Variants in MCF2 observed in about 807,000 individuals in gnomAD.
MCF2 encodes the protein proto-oncogene DBL.
A neutral mutation model predicts 82.5 loss-of-function variants in MCF2; 44 were observed. That is an observed-to-expected ratio of 0.53 (90% CI 0.42 to 0.69). MCF2 has a LOEUF of 0.69. Among genes scored for constraint, MCF2 ranks in the 30% least tolerant of loss-of-function variants. The pLI is 0.00. For synonymous variants in MCF2, 217 were observed against 224.9 expected, an observed-to-expected ratio of 0.96 and a Z score of 0.32; for missense variants, 623 against 663.1, an observed-to-expected ratio of 0.94 and a Z score of 0.66.
At chrX:139,682,345 C>T (rs1466183447) in intron 1 of MCF2, among the ~76,000 whole-genome samples, 1 of 112,053 alleles carries the variant, frequency 8.9e-6, no homozygotes, top group Non-Finnish European at 1.9e-5. Context: ...TTTCCCTGTA[C>T]AGCAGCAGGA....
At chrX:139,673,121 C>T (rs1295783160) in intron 1 of MCF2, among the ~76,000 whole-genome samples, 1 of 111,922 alleles carries the variant, frequency 8.9e-6, no homozygotes, top group East Asian at 2.8e-4. Flanking sequence ...TTGTAGTATT[C>T]TCTAATGGTA....
intron 1 of MCF2, among the ~76,000 whole-genome samples, chrX:139,686,713 G>A (rs1935133788): frequency 9.0e-6 from 1 of 111,333 alleles, no homozygotes; most frequent in South Asian, 3.8e-4. Context: ...CAAACCATTA[G>A]CAAATCCTTC....
chrX:139,647,497 C>T (rs1160838948), upstream of MCF2, among the ~76,000 whole-genome samples: 1 of 111,495 alleles, frequency 9.0e-6, no homozygotes, highest in Non-Finnish European at 1.9e-5. Flanking sequence ...GGGGTCCAGG[C>T]AGAGGTGTAG....
intron 1 of MCF2, among the ~76,000 whole-genome samples, chrX:139,679,340 A>G (rs1206482190): frequency 2.7e-5 from 3 of 112,466 alleles, no homozygotes; most frequent in African/African-American, 9.7e-5. Flanking sequence ...TCTAAGGAAG[A>G]TGTGAAATGT....
At chrX:139,680,895 A>T (rs1207109739) in intron 1 of MCF2, among the ~76,000 whole-genome samples, 1 of 112,592 alleles carries the variant, frequency 8.9e-6, no homozygotes, top group Non-Finnish European at 1.9e-5. Context: ...AGAACACACA[A>T]TATCTGTTCA....
chrX:139,701,585 C>G (rs2148587277), intron 1 of MCF2, among the ~76,000 whole-genome samples: 1 of 111,851 alleles, frequency 8.9e-6, no homozygotes, highest in African/African-American at 3.2e-5. Context: ...TTCAAACTTG[C>G]CTAGCCAGCA....
chrX:139,587,946 G>A lies in MCF2; in HGVS notation c.2450-158C>T, dbSNP rs192009212. ...CAGACTTGAAATAATCAGAGGGAAGGCCAGTCTCAAGTTTGAATTTGGAAA... is the reference window on the plus strand; with the variant it reads ...CAGACTTGAAATAATCAGAGGGAAGACCAGTCTCAAGTTTGAATTTGGAAA... On this transcript the variant is annotated intron_variant, in intron 21 of 24. Coordinates refer to ENST00000370576, the Ensembl canonical transcript of MCF2. Among the ~76,000 whole-genome samples the A allele has an allele frequency of 2.7e-5, 3 of 110,501 alleles. No homozygotes were observed. The East Asian group carries it at 8.6e-4, about 32-fold the overall frequency.
intron 14 of MCF2, 28 bp from the exon 19 acceptor site, chrX:139,604,778 G>T: frequency 1.8e-6 from 2 of 1,138,329 alleles, no homozygotes; most frequent in Non-Finnish European, 2.4e-6. Context: ...AAAAAAAATT[G>T]CATGATTTTA....
intron 24 of MCF2, among the ~76,000 whole-genome samples, chrX:139,584,741 G>T (rs887298985): frequency 9.0e-6 from 1 of 111,465 alleles, no homozygotes; most frequent in Non-Finnish European, 1.9e-5. Context: ...AAGCCCCTTT[G>T]TTCTCTGATT....
chrX:139,642,875 C>G (rs765203460), exon 1 of MCF2: 80 of 885,607 alleles, frequency 9.0e-5, no homozygotes, highest in Non-Finnish European at 1.0e-4. Context: ...AAAACCAGCT[C>G]TCTTCCTAGG....
At chrX:139,605,736 G>C (rs747753946) in exon 13 of MCF2, 13 of 1,201,629 alleles carry the variant, frequency 1.1e-5, no homozygotes, top group Non-Finnish European at 1.5e-5. Flanking sequence ...TACAGTTCTC[G>C]AACATAAACT....
chrX:139,674,418 G>A (rs921845363), intron 1 of MCF2, among the ~76,000 whole-genome samples: 20 of 111,695 alleles, frequency 1.8e-4, no homozygotes, highest in Admixed American at 8.6e-4. Flanking sequence ...TCCTAGCATC[G>A]ATGGTCTTTA....
exon 21 of MCF2, chrX:139,588,376 C>A (rs1335940506): frequency 8.3e-7 from 1 of 1,206,857 alleles, no homozygotes; most frequent in South Asian, 1.8e-5. Flanking sequence ...AAAGTTCCTG[C>A]TGCTTCAACA....
chrX:139,671,457 T>G (rs1231694903), intron 1 of MCF2, among the ~76,000 whole-genome samples: 5 of 111,971 alleles, frequency 4.5e-5, no homozygotes, highest in Non-Finnish European at 9.4e-5. Context: ...GTCTAACATT[T>G]AAGTCTTTAA....
At chrX:139,597,951 T>C (rs898813536) in intron 17 of MCF2, among the ~76,000 whole-genome samples, 2 of 111,602 alleles carry the variant, frequency 1.8e-5, no homozygotes, top group Admixed American at 9.6e-5. Context: ...TAGAATATTA[T>C]GAAAATTCAC....
chrX:139,593,741 T>C (rs1407044145), intron 19 of MCF2, among the ~76,000 whole-genome samples: 1 of 110,939 alleles, frequency 9.0e-6, no homozygotes, highest in African/African-American at 3.3e-5. Flanking sequence ...TATACGCAAA[T>C]CGATAAATGT....
rs1465016684 is a variant in MCF2, at chrX:139,693,618, T to TAC, written c.-45+14487_-45+14488insGT. ...TGAATGTGTAAGCTATTTGAATGTG[T>TAC]TAAGTCAACCAGGCAGAATGTTTGC... On this transcript the variant is annotated intron_variant, in intron 1 of 27. Transcript: ENST00000414978. Among the ~76,000 whole-genome samples the TAC allele has an allele frequency of 2.7e-5, 3 of 111,616 alleles. No individual in the cohort carries two copies. In the East Asian group the frequency reaches 8.4e-4, roughly 31 times the overall value.
chrX:139,598,300 G>C (rs911194992), intron 17 of MCF2, 106 bp downstream of exon 21: 1 of 506,491 alleles, frequency 2.0e-6, no homozygotes, highest in Non-Finnish European at 3.2e-6. Context: ...CCCAGTCATT[G>C]AGCCTACCTA....
At chrX:139,637,763 C>G (rs531063750) in intron 1 of MCF2, among the ~76,000 whole-genome samples, 1 of 111,404 alleles carries the variant, frequency 9.0e-6, no homozygotes. Context: ...ATCCCTGGAA[C>G]CTGGTAATAT....
Sources: allele counts gnomAD v4.1 joint callset (sites outside exome capture counted in the v4.1 genomes callset), GRCh38; gene constraint gnomAD v4.1.1; transcripts MANE v1.5; gene names NCBI Gene and HGNC (gene_info 2026-07-23, HGNC 2026-07-21).